Variants in KCNQ5 observed in about 807,000 individuals in gnomAD.
KCNQ5 encodes potassium voltage-gated channel subfamily Q member 5.
A neutral mutation model predicts 98.2 loss-of-function variants in KCNQ5; 30 were observed. That is an observed-to-expected ratio of 0.31 (90% CI 0.23 to 0.41). The LOEUF (loss-of-function observed/expected upper bound fraction) is 0.41. Among genes scored for constraint, KCNQ5 ranks in the 10% least tolerant of loss-of-function variants. The pLI is 1.00. For missense variants in KCNQ5, 835 were observed against 1,182.5 expected (o/e 0.71, Z 4.31); for synonymous variants, 458 against 449.4 (o/e 1.02, Z -0.24).
At chr6:72,679,629 T>C (rs1251895335) in intron 1 of KCNQ5, among the ~76,000 whole-genome samples, 1 of 151,360 alleles carries the variant, frequency 6.6e-6, no homozygotes, top group Non-Finnish European at 1.5e-5. Flanking sequence ...TGCTAAATGA[T>C]GAGTTAATGG....
chr6:72,701,570 G>T (rs1012110401), intron 1 of KCNQ5, among the ~76,000 whole-genome samples: 26 of 151,786 alleles, frequency 1.7e-4, no homozygotes, highest in African/African-American at 5.1e-4. Flanking sequence ...TTCTTTTTTT[G>T]ATTTTTGTTT....
chr6:72,940,546 G>C (rs535339256), intron 1 of KCNQ5, among the ~76,000 whole-genome samples: 2 of 152,318 alleles, frequency 1.3e-5, no homozygotes, highest in African/African-American at 4.8e-5. Context: ...AGGATTCTGG[G>C]ATGCTACCAG....
intron 2 of KCNQ5, among the ~76,000 whole-genome samples, chr6:73,016,991 G>T (rs1291972848): frequency 1.3e-5 from 2 of 151,982 alleles, no homozygotes; most frequent in African/African-American, 2.4e-5. Flanking sequence ...TGATCCTGTG[G>T]ATTTCTATAG....
At chr6:72,697,834 A>G (rs968038820) in intron 1 of KCNQ5, among the ~76,000 whole-genome samples, 2 of 152,220 alleles carry the variant, frequency 1.3e-5, no homozygotes, top group African/African-American at 4.8e-5. Context: ...TTATTTCACA[A>G]TGTATACATA....
intron 1 of KCNQ5, among the ~76,000 whole-genome samples, chr6:72,910,588 G>A (rs1377014681): frequency 6.6e-6 from 1 of 151,408 alleles, no homozygotes; most frequent in Non-Finnish European, 1.5e-5. Context: ...GTGTGTGTGT[G>A]TGTGTGTGTG....
chr6:72,877,296 T>C (rs997291215), intron 1 of KCNQ5, among the ~76,000 whole-genome samples: 3 of 152,140 alleles, frequency 2.0e-5, no homozygotes, highest in Non-Finnish European at 4.4e-5. Context: ...CTCCCACTTA[T>C]GAAGGAGAAC....
intron 1 of KCNQ5, among the ~76,000 whole-genome samples, chr6:72,879,278 C>T (rs529518955): frequency 1.3e-5 from 2 of 152,084 alleles, no homozygotes; most frequent in South Asian, 2.1e-4. Flanking sequence ...TTATTCTTAC[C>T]AATACTTGAT....
chr6:72,904,250 T>C (rs1183302240), intron 1 of KCNQ5, among the ~76,000 whole-genome samples: 5 of 152,154 alleles, frequency 3.3e-5, no homozygotes, highest in African/African-American at 1.2e-4. Flanking sequence ...GGTACTTATG[T>C]GTTAGATGAG....
At chr6:72,687,363 A>G (rs1768008048) in intron 1 of KCNQ5, among the ~76,000 whole-genome samples, 1 of 152,172 alleles carries the variant, frequency 6.6e-6, no homozygotes, top group African/African-American at 2.4e-5. Context: ...CATGACCTAT[A>G]CTTCTATTTA....
chr6:72,668,125 G>T (rs565279396), intron 1 of KCNQ5, among the ~76,000 whole-genome samples: 17 of 152,184 alleles, frequency 1.1e-4, no homozygotes, highest in Admixed American at 2.0e-4. Context: ...GTTGATATTG[G>T]GAAGGCTGGG....
chr6:72,658,435 C>T (rs993230179), intron 1 of KCNQ5, among the ~76,000 whole-genome samples: 8 of 150,356 alleles, frequency 5.3e-5, no homozygotes, highest in Admixed American at 4.0e-4. Context: ...CGCCCACCAC[C>T]ATGCCCAGCT....
intron 1 of KCNQ5, among the ~76,000 whole-genome samples, chr6:72,661,011 TC>T (rs1766494546): frequency 6.6e-6 from 1 of 152,112 alleles, no homozygotes. Flanking sequence ...ATACTTTTTT[TC>T]ATAAAGTTTA....
chr6:73,086,111 A>G (rs181281670), intron 5 of KCNQ5, among the ~76,000 whole-genome samples: 52 of 152,252 alleles, frequency 3.4e-4, no homozygotes, highest in African/African-American at 1.3e-3. Context: ...CATTAGATTA[A>G]TTTGGCTCCT....
intron 1 of KCNQ5, among the ~76,000 whole-genome samples, chr6:72,767,210 A>G (rs16882851): frequency 0.013 from 1,989 of 152,144 alleles, 31 homozygotes; most frequent in East Asian, 0.056. Context: ...ATGCAAATGA[A>G]CTTGTTAATG....
intron 1 of KCNQ5, among the ~76,000 whole-genome samples, chr6:72,645,262 C>T (rs973809756): frequency 3.3e-5 from 5 of 150,700 alleles, no homozygotes; most frequent in African/African-American, 1.2e-4. Flanking sequence ...GGGTGCATGC[C>T]CTAGTCCTAG....
chr6:73,012,038 C>T (rs1195037430), intron 2 of KCNQ5, among the ~76,000 whole-genome samples: 1 of 151,940 alleles, frequency 6.6e-6, no homozygotes, highest in East Asian at 1.9e-4. Context: ...AATGCTATAG[C>T]CACTATGGAA....
chr6:72,883,961 A>G (rs1286312797), intron 1 of KCNQ5, among the ~76,000 whole-genome samples: 1 of 152,206 alleles, frequency 6.6e-6, no homozygotes, highest in Non-Finnish European at 1.5e-5. Context: ...GCAACTCTAT[A>G]TGACATAGTG....
intron 11 of KCNQ5, among the ~76,000 whole-genome samples, chr6:73,188,166 G>A (rs143350825): frequency 1.5e-3 from 225 of 152,306 alleles, no homozygotes; most frequent in Non-Finnish European, 2.0e-3. Context: ...AAAACCAGGA[G>A]GTAATGTGGC....
intron 1 of KCNQ5, among the ~76,000 whole-genome samples, chr6:72,762,504 G>A (rs1772341407): frequency 6.6e-6 from 1 of 152,040 alleles, no homozygotes; most frequent in Non-Finnish European, 1.5e-5. Flanking sequence ...GGTGGATCGT[G>A]TATCATTTTA....
Sources: allele counts gnomAD v4.1 joint callset (sites outside exome capture counted in the v4.1 genomes callset), GRCh38; gene constraint gnomAD v4.1.1; transcripts MANE v1.5; gene names NCBI Gene and HGNC (gene_info 2026-07-23, HGNC 2026-07-21).